The following TRIM44 variants were observed in gnomAD, a reference collection of about 807,000 sequenced individuals.
The protein encoded by TRIM44 is tripartite motif-containing protein 44.
Under a neutral mutation model 37.4 loss-of-function variants are expected in TRIM44, and 13 were observed. That is an observed-to-expected ratio of 0.35 (90% CI 0.23 to 0.55). TRIM44 has a LOEUF of 0.55. TRIM44 is among the 20% of genes least tolerant of loss of function. The probability of loss-of-function intolerance (pLI) is 0.89; values close to 1 mark genes in which losing one functional copy is unlikely to be tolerated. For missense variants in TRIM44, 426 were observed against 437.2 expected, an observed-to-expected ratio of 0.97 and a Z score of 0.23; for synonymous variants, 175 against 157.2, an observed-to-expected ratio of 1.11 and a Z score of -0.85.
intron 4 of TRIM44, among the ~76,000 whole-genome samples, chr11:35,756,318 G>T (rs1852638627): frequency 6.6e-6 from 1 of 152,044 alleles, no homozygotes; most frequent in African/African-American, 2.4e-5. Context: ...TCTGTTATTG[G>T]TGTATAAGAA....
chr11:35,803,114 G>A (rs1045001692), intron 4 of TRIM44, among the ~76,000 whole-genome samples: 6 of 152,146 alleles, frequency 3.9e-5, no homozygotes, highest in Non-Finnish European at 8.8e-5. Context: ...ATTCAGAGAT[G>A]TTAGTGACTT....
intron 4 of TRIM44, among the ~76,000 whole-genome samples, chr11:35,778,327 C>G (rs1464735992): frequency 1.3e-5 from 2 of 152,132 alleles, no homozygotes; most frequent in African/African-American, 4.8e-5. Flanking sequence ...AAGGTGTTCT[C>G]TACACTATTT....
intron 4 of TRIM44, among the ~76,000 whole-genome samples, chr11:35,788,209 C>T (rs141860108): frequency 3.3e-5 from 5 of 152,176 alleles, no homozygotes; most frequent in East Asian, 3.9e-4. Context: ...TCATGGAAGA[C>T]GTAGACTTAG....
intron 2 of TRIM44, among the ~76,000 whole-genome samples, chr11:35,703,545 G>A (rs992104818): frequency 6.6e-5 from 10 of 152,150 alleles, no homozygotes; most frequent in Admixed American, 4.6e-4. Flanking sequence ...ACACGGCCGG[G>A]TACTCCCCTG....
At position 35,662,888 on chromosome 11, in the gene TRIM44, C is replaced by A; in HGVS notation, c.-224C>A. On this transcript the variant is annotated 5_prime_UTR_variant, in exon 1 of 5. Transcript: ENST00000299413. ...GAAGTGCCTTGCGCGGCAGAGGAAG[C>A]GCAGGGACAGAGCGGAGCAGGCCGA... 1 of 638,454 alleles carries A rather than the reference C, an allele frequency of 1.6e-6. No individual in the cohort carries two copies. The highest frequency in any genetic ancestry group is 2.2e-6 in the Non-Finnish European group (1 of 451,516). 39.5% of individuals were successfully genotyped at this position (638,454 alleles called of 1,614,324 possible).
rs1851553203 is a variant in TRIM44, at chr11:35,684,618, A to G, written c.670-641A>G. ...TTTAGTAATTTGCCTGAAATTAATC[A>G]ACTAGTTAATGGCAAATCCAAAATT... is the stretch of plus-strand genomic sequence containing the variant. On this transcript the variant is annotated intron_variant, in intron 1 of 4. Coordinates refer to ENST00000299413, the MANE Select transcript of TRIM44 (RefSeq NM_017583.6). Among the ~76,000 whole-genome samples the G allele has an allele frequency of 1.3e-5, 2 of 152,216 alleles. 1 individual carries two copies. The highest frequency in any genetic ancestry group is 4.1e-4 in the South Asian group (2 of 4,826).
chr11:35,678,440 A>C (rs574853821), intron 1 of TRIM44, among the ~76,000 whole-genome samples: 2 of 152,270 alleles, frequency 1.3e-5, no homozygotes, highest in East Asian at 3.9e-4. Context: ...GGCCTAGTGT[A>C]GGAGTGGGTT....
intron 4 of TRIM44, among the ~76,000 whole-genome samples, chr11:35,741,933 CTATT>C (rs1018878256): frequency 2.6e-5 from 4 of 151,972 alleles, no homozygotes; most frequent in Non-Finnish European, 5.9e-5. Flanking sequence ...ATCTATCTAT[CTATT>C]TATTTATTTA....
chr11:35,758,198 G>A (rs952360465), intron 4 of TRIM44, among the ~76,000 whole-genome samples: 5 of 152,096 alleles, frequency 3.3e-5, no homozygotes, highest in African/African-American at 2.4e-5. Flanking sequence ...TTGGGTGCAC[G>A]TATATTTAGG....
chr11:35,740,096 T>TA (rs1258985035), intron 4 of TRIM44, among the ~76,000 whole-genome samples: 1,685 of 64,282 alleles, frequency 0.026, 46 homozygotes, highest in East Asian at 0.12. Flanking sequence ...AGACTCTGTC[T>TA]AAAAAAAAAA....
At chr11:35,756,849 A>G (rs1852650512) in intron 4 of TRIM44, among the ~76,000 whole-genome samples, 1 of 152,172 alleles carries the variant, frequency 6.6e-6, no homozygotes, top group Admixed American at 6.6e-5. Context: ...CATCCCAGGG[A>G]TGAAGCCCAC....
At chr11:35,733,477 T>G (rs1177010807) in intron 3 of TRIM44, among the ~76,000 whole-genome samples, 3 of 152,170 alleles carry the variant, frequency 2.0e-5, no homozygotes, top group Admixed American at 6.5e-5. Context: ...TTTTTATTGG[T>G]ATATTATAGA....
intron 4 of TRIM44, among the ~76,000 whole-genome samples, chr11:35,791,575 G>A (rs919474778): frequency 1.3e-5 from 2 of 151,964 alleles, no homozygotes; most frequent in Non-Finnish European, 2.9e-5. Flanking sequence ...CTGGACCATC[G>A]CACATTTTAT....
intron 3 of TRIM44, among the ~76,000 whole-genome samples, chr11:35,734,676 C>T (rs1349359466): frequency 2.0e-4 from 30 of 152,182 alleles, no homozygotes; most frequent in Admixed American, 1.9e-3. Context: ...CAGAAGGAAG[C>T]TCAAAGGAAT....
intron 3 of TRIM44, among the ~76,000 whole-genome samples, chr11:35,729,369 G>C (rs538872341): frequency 2.2e-4 from 33 of 152,068 alleles, no homozygotes; most frequent in Non-Finnish European, 4.1e-4. Flanking sequence ...CTTTGGCCCT[G>C]CTCCTCCCAG....
chr11:35,743,738 C>T (rs934696701), intron 4 of TRIM44, among the ~76,000 whole-genome samples: 6 of 152,246 alleles, frequency 3.9e-5, no homozygotes, highest in African/African-American at 1.4e-4. Context: ...AAAATGATTT[C>T]CCAGCTCATC....
chr11:35,797,403 G>A (rs549463144), intron 4 of TRIM44, among the ~76,000 whole-genome samples: 1 of 152,288 alleles, frequency 6.6e-6, no homozygotes, highest in East Asian at 1.9e-4. Flanking sequence ...GAGAGGGAAC[G>A]TAACTCCTCA....
At chr11:35,765,993 T>C (rs938899015) in intron 4 of TRIM44, among the ~76,000 whole-genome samples, 1 of 152,214 alleles carries the variant, frequency 6.6e-6, no homozygotes, top group African/African-American at 2.4e-5. Flanking sequence ...TAAAAGCAAG[T>C]ATTTCTGTGC....
intron 4 of TRIM44, among the ~76,000 whole-genome samples, chr11:35,771,308 G>A (rs2133865840): frequency 6.6e-6 from 1 of 152,300 alleles, no homozygotes; most frequent in Non-Finnish European, 1.5e-5. Context: ...AAGACTGGTG[G>A]CATTTTGCCC....
Sources: allele counts gnomAD v4.1 joint callset (sites outside exome capture counted in the v4.1 genomes callset), GRCh38; gene constraint gnomAD v4.1.1; transcripts MANE v1.5; gene names NCBI Gene and HGNC (gene_info 2026-07-23, HGNC 2026-07-21).